Variants in SPART observed in about 807,000 individuals in gnomAD.
SPART encodes the protein spastic paraplegia 20 (Troyer syndrome).
SPART carries 35 observed loss-of-function variants against 58.7 expected under a neutral mutation model. The observed-to-expected ratio is 0.60, with a 90% CI of 0.46 to 0.79. The LOEUF is 0.79. SPART is among the 30% of genes least tolerant of loss of function. The pLI is 0.00. For synonymous variants in SPART, 284 were observed against 280.7 expected (o/e 1.01, Z -0.12); for missense variants, 730 against 786.1 (o/e 0.93, Z 0.85).
At chr13:36,314,488 A>G in intron 5 of SPART, 67 bp from the exon 6 acceptor site, 5 of 1,440,232 alleles carry the variant, frequency 3.5e-6, no homozygotes, top group Non-Finnish European at 4.9e-6. Context: ...ACTTTAATAA[A>G]TAACATCAAC....
At chr13:36,341,261 C>T (rs974124559) in intron 1 of SPART, among the ~76,000 whole-genome samples, 6 of 152,076 alleles carry the variant, frequency 3.9e-5, no homozygotes, top group South Asian at 4.1e-4. Context: ...GCAACTATGT[C>T]AAACAGAACT....
intron 8 of SPART, among the ~76,000 whole-genome samples, chr13:36,311,347 C>T (rs1881076758): frequency 6.6e-6 from 1 of 152,142 alleles, no homozygotes; most frequent in Non-Finnish European, 1.5e-5. Context: ...TCATTCATTT[C>T]TGTTTGTCCA....
chr13:36,349,988 A>G (rs1885349907), upstream of SPART, among the ~76,000 whole-genome samples: 2 of 152,252 alleles, frequency 1.3e-5, no homozygotes, highest in African/African-American at 4.8e-5. Context: ...AGCTGCAAGC[A>G]TCACAAAACT....
chr13:36,319,893 A>C (rs1309664328), intron 5 of SPART, among the ~76,000 whole-genome samples: 5 of 151,768 alleles, frequency 3.3e-5, no homozygotes, highest in Non-Finnish European at 7.4e-5. Context: ...TTCTCATAAA[A>C]ACACACGTGC....
chr13:36,319,717 T>A (rs1289986859), intron 5 of SPART, among the ~76,000 whole-genome samples: 1 of 141,206 alleles, frequency 7.1e-6, no homozygotes, highest in East Asian at 2.6e-4. Flanking sequence ...TACTATCCCT[T>A]TGCACCCTTC....
chr13:36,325,593 A>T (rs1882852541), intron 5 of SPART, among the ~76,000 whole-genome samples: 1 of 152,154 alleles, frequency 6.6e-6, no homozygotes, highest in African/African-American at 2.4e-5. Context: ...AATATTTTTT[A>T]AAAAACAAAA....
upstream of SPART, among the ~76,000 whole-genome samples, chr13:36,347,460 C>G (rs1254627462): frequency 6.6e-6 from 1 of 152,122 alleles, no homozygotes; most frequent in Non-Finnish European, 1.5e-5. Context: ...CTCAAGTTAG[C>G]CAGGCTGGTC....
chr13:36,315,349 T>G (rs956361036), intron 5 of SPART, among the ~76,000 whole-genome samples: 1 of 152,190 alleles, frequency 6.6e-6, no homozygotes, highest in Non-Finnish European at 1.5e-5. Flanking sequence ...ACTTTCAATT[T>G]AAAATATTTC....
chr13:36,363,106 G>C (rs1885925993), intron 1 of SPART, among the ~76,000 whole-genome samples: 1 of 152,178 alleles, frequency 6.6e-6, no homozygotes, highest in Non-Finnish European at 1.5e-5. Flanking sequence ...CTGGTCCACA[G>C]ACCACACTTT....
intron 5 of SPART, among the ~76,000 whole-genome samples, chr13:36,314,842 C>T (rs1228906156): frequency 6.6e-6 from 1 of 152,144 alleles, no homozygotes; most frequent in Non-Finnish European, 1.5e-5. Context: ...CCCATGAAAT[C>T]TTGAGGGAGA....
upstream of SPART, among the ~76,000 whole-genome samples, chr13:36,347,576 T>C (rs961025216): frequency 6.6e-6 from 1 of 152,122 alleles, no homozygotes; most frequent in East Asian, 1.9e-4. Flanking sequence ...AGTGACTCCC[T>C]CAAATCTCAG....
chr13:36,305,200 C>A (rs573154778), intron 8 of SPART, among the ~76,000 whole-genome samples: 106 of 152,274 alleles, frequency 7.0e-4, no homozygotes, highest in Admixed American at 1.3e-3. Context: ...GACCTTTGTA[C>A]TGGCTGCTCT....
chr13:36,344,485 G>A (rs1229826177), intron 1 of SPART, among the ~76,000 whole-genome samples: 4 of 152,142 alleles, frequency 2.6e-5, no homozygotes, highest in Admixed American at 6.5e-5. Context: ...CACGAGAGAA[G>A]AGCCTGGGTA....
At chr13:36,314,544 A>G (rs1881484508) in intron 5 of SPART, 123 bp from the exon 6 acceptor site, 6 of 977,334 alleles carry the variant, frequency 6.1e-6, no homozygotes, top group Non-Finnish European at 9.4e-6. Flanking sequence ...TAAATGTGCC[A>G]TGTCATAAAC....
intron 1 of SPART, among the ~76,000 whole-genome samples, chr13:36,344,430 T>C (rs1884864559): frequency 1.3e-5 from 2 of 152,116 alleles, no homozygotes; most frequent in Non-Finnish European, 2.9e-5. Context: ...GATTGCTTAA[T>C]AACCTTCCTT....
chr13:36,334,135 T>C (rs190067622), intron 2 of SPART, among the ~76,000 whole-genome samples: 5 of 152,342 alleles, frequency 3.3e-5, no homozygotes, highest in Admixed American at 6.5e-5. Context: ...CTTTCTTCAA[T>C]GCAAACTCCT....
At chr13:36,340,230 G>T (rs1884441286) in intron 1 of SPART, among the ~76,000 whole-genome samples, 1 of 151,926 alleles carries the variant, frequency 6.6e-6, no homozygotes, top group South Asian at 2.1e-4. Context: ...AGGCGTGGTG[G>T]CAGGCGCCTG....
rs148607522 is a variant in SPART at position 36,313,123 on chromosome 13, A to C, written c.1484-646T>G. On this transcript the variant is annotated intron_variant, in intron 6 of 8. Transcript: ENST00000438666. ...TCTCTAAGAGCAAGGATTTAGAAGT[A>C]CATTGCTTGGGAAGGTTGGCACCAG... 1.5e-3 allele frequency among the ~76,000 whole-genome samples: 227 copies of C among 152,298 alleles called. 2 individuals carry two copies. Among genetic ancestry groups the C allele is most frequent in the African/African-American group, 5.3e-3 (221 of 41,570 alleles).
chr13:36,307,868 T>C (rs142702546), intron 8 of SPART, among the ~76,000 whole-genome samples: 2 of 152,236 alleles, frequency 1.3e-5, no homozygotes, highest in East Asian at 3.9e-4. Context: ...ATTTAATCCT[T>C]TGTACTGGCT....
Sources: gnomAD v4.1 joint callset for allele counts (sites outside exome capture counted in the v4.1 genomes callset) on GRCh38, gnomAD v4.1.1 for gene constraint, MANE v1.5 for transcripts, NCBI Gene and HGNC (gene_info 2026-07-23, HGNC 2026-07-21) for gene names.